ARHGEF10L: variants seen among roughly 807,000 people sequenced by gnomAD.
ARHGEF10L encodes Rho guanine nucleotide exchange factor 10 like.
A neutral mutation model predicts 141.2 loss-of-function variants in ARHGEF10L; 69 were observed. The ratio of observed to expected loss-of-function variants is 0.49; its 90% CI spans 0.40 to 0.60. The LOEUF (loss-of-function observed/expected upper bound fraction) is 0.60, where lower values mean the gene tolerates loss of function less well. ARHGEF10L is among the 20% of genes least tolerant of loss of function. ARHGEF10L has a pLI of 0.00. For synonymous variants in ARHGEF10L, 711 were observed against 718.5 expected (o/e 0.99, Z 0.17); for missense variants, 1,482 against 1,734.3 (o/e 0.85, Z 2.58).
At chr1:17,663,289 T>C (rs1440919462) in intron 25 of ARHGEF10L, among the ~76,000 whole-genome samples, 3 of 152,114 alleles carry the variant, frequency 2.0e-5, no homozygotes, top group Non-Finnish European at 4.4e-5. Context: ...CGGTGGCTCA[T>C]GCCTGTAATC....
Position 17,624,492 on chromosome 1 carries a change from G to C in ARHGEF10L, c.1306G>C (p.Glu436Gln). 6.2e-7 allele frequency: 1 copy of C among 1,614,090 alleles called. No homozygotes were observed. Among genetic ancestry groups the C allele is most frequent in the Non-Finnish European group, 8.5e-7 (1 of 1,179,926 alleles). The change falls in exon 13 of 29, where the codon GAG (glutamate) becomes CAG (glutamine). Residue 436 changes from glutamate (E) to glutamine (Q), a missense_variant. Transcript: ENST00000361221. Reference sequence around the variant, plus strand: ...CTGCCTCACCAAGCCTGCCTTCCTCGAGTTCCTCAAGGTGGGCCTCCATGG... The same window carrying C: ...CTGCCTCACCAAGCCTGCCTTCCTCCAGTTCCTCAAGGTGGGCCTCCATGG... ...KACLTKPAFL[E>Q]FLKRRQVCSP...
chr1:17,657,874 T>C (rs536709507), intron 25 of ARHGEF10L, among the ~76,000 whole-genome samples: 2 of 152,356 alleles, frequency 1.3e-5, no homozygotes, highest in East Asian at 3.9e-4. Context: ...CAGCTTGGGT[T>C]GGCTTTGGCC....
intron 8 of ARHGEF10L, among the ~76,000 whole-genome samples, chr1:17,613,849 G>C (rs1180671076): frequency 6.6e-6 from 1 of 152,174 alleles, no homozygotes; most frequent in African/African-American, 2.4e-5. Context: ...TCCTGAGCAG[G>C]CCCCTTGGCC....
intron 26 of ARHGEF10L, among the ~76,000 whole-genome samples, chr1:17,680,528 C>T (rs1284753869): frequency 1.3e-5 from 2 of 152,138 alleles, no homozygotes; most frequent in African/African-American, 2.4e-5. Context: ...GGAGGGGCTC[C>T]GTGGGCAGGC....
rs1324590017 is a variant in ARHGEF10L at position 17,563,261 on chromosome 1, G to T, written c.-43-17292G>T. Among the ~76,000 whole-genome samples, 33 of 150,894 alleles carry T rather than the reference G, an allele frequency of 2.2e-4. 1 individual carries two copies. Among genetic ancestry groups the T allele is most frequent in the African/African-American group, 8.0e-4 (33 of 40,996 alleles). On this transcript the variant is annotated intron_variant, in intron 1 of 28. Transcript: ENST00000361221. ...TCTTTTTTTTTTTTTTTGAGACAGG[G>T]TCTCGTTCCATTGCCCAGGGTGGAG...
chr1:17,570,952 T>G (rs1001255895), intron 1 of ARHGEF10L, among the ~76,000 whole-genome samples: 4 of 152,044 alleles, frequency 2.6e-5, no homozygotes, highest in African/African-American at 9.7e-5. Context: ...AGCAGGGTTC[T>G]TTGTTCTGGC....
chr1:17,530,138 G>A, the ARHGEF10L span, among the ~76,000 whole-genome samples: 164 of 152,238 alleles, frequency 1.1e-3, no homozygotes, highest in Middle Eastern at 0.01. Flanking sequence ...TGGCCACACA[G>A]CAGTCTTGTT....
At chr1:17,622,850 C>T (rs991665724) in intron 11 of ARHGEF10L, 146 bp from the exon 12 acceptor site, 76 of 778,036 alleles carry the variant, frequency 9.8e-5, no homozygotes, top group Admixed American at 4.3e-4. Context: ...GAGATCCTTC[C>T]GGAAGGACGC....
chr1:17,616,847 G>A (rs951417960), intron 9 of ARHGEF10L, among the ~76,000 whole-genome samples: 10 of 152,302 alleles, frequency 6.6e-5, no homozygotes, highest in Middle Eastern at 6.8e-3. Context: ...AGGAGCGAGC[G>A]GGTGTGCAGA....
At chr1:17,519,302 T>C in the ARHGEF10L span, among the ~76,000 whole-genome samples, 6 of 151,216 alleles carry the variant, frequency 4.0e-5, no homozygotes, top group African/African-American at 1.5e-4. Flanking sequence ...ACTATTATAA[T>C]CACCCCAGGT....
At chr1:17,571,363 G>A (rs996458919) in intron 1 of ARHGEF10L, among the ~76,000 whole-genome samples, 1 of 152,124 alleles carries the variant, frequency 6.6e-6, no homozygotes, top group Non-Finnish European at 1.5e-5. Flanking sequence ...CAAAGCGGTG[G>A]GCACACACTT....
intron 18 of ARHGEF10L, 50 bp downstream of exon 18, chr1:17,635,066 G>T: frequency 6.2e-7 from 1 of 1,605,410 alleles, no homozygotes. Context: ...GCCCTCACCA[G>T]CCACAGCCTG....
At chr1:17,681,795 CTG>C (rs1357317272) in intron 26 of ARHGEF10L, among the ~76,000 whole-genome samples, 6 of 152,190 alleles carry the variant, frequency 3.9e-5, no homozygotes, top group Non-Finnish European at 8.8e-5. Context: ...TTCTTGGAGA[CTG>C]TGTGAATATC....
intron 26 of ARHGEF10L, among the ~76,000 whole-genome samples, chr1:17,680,710 A>AGGCG (rs1256337314): frequency 6.9e-6 from 1 of 145,696 alleles, no homozygotes; most frequent in Non-Finnish European, 1.5e-5. Flanking sequence ...GAGCTGGAGG[A>AGGCG]GGCGGGCACA....
intron 13 of ARHGEF10L, among the ~76,000 whole-genome samples, 161 bp downstream of exon 13, chr1:17,624,664 C>T (rs756224371): frequency 1.4e-4 from 22 of 152,168 alleles, no homozygotes; most frequent in Non-Finnish European, 2.4e-4. Context: ...GGAAGAAAAT[C>T]GTTCCCTCCT....
intron 2 of ARHGEF10L, among the ~76,000 whole-genome samples, chr1:17,581,610 C>G (rs11578033): frequency 2.6e-5 from 4 of 152,110 alleles, no homozygotes; most frequent in African/African-American, 9.7e-5. Flanking sequence ...TGAATCCTGA[C>G]CCTGCCACTT....
chr1:17,663,397 C>T (rs1227827917), intron 25 of ARHGEF10L, among the ~76,000 whole-genome samples: 2 of 151,874 alleles, frequency 1.3e-5, no homozygotes, highest in East Asian at 3.9e-4. Flanking sequence ...ACTAAAAATA[C>T]AAAAAATTAA....
intron 15 of ARHGEF10L, among the ~76,000 whole-genome samples, chr1:17,630,896 C>T (rs561005465): frequency 4.6e-5 from 7 of 152,072 alleles, no homozygotes; most frequent in Non-Finnish European, 8.8e-5. Flanking sequence ...CTGTCCTTTT[C>T]TCTCCTGGGG....
At chr1:17,571,012 G>T (rs865793908) in intron 1 of ARHGEF10L, among the ~76,000 whole-genome samples, 1 of 152,044 alleles carries the variant, frequency 6.6e-6, no homozygotes, top group Non-Finnish European at 1.5e-5. Context: ...TGAGATGCCC[G>T]ATCAATCACT....
Sources: gnomAD v4.1 joint callset for allele counts (sites outside exome capture counted in the v4.1 genomes callset) on GRCh38, gnomAD v4.1.1 for gene constraint, MANE v1.5 for transcripts, NCBI Gene and HGNC (gene_info 2026-07-23, HGNC 2026-07-21) for gene names.